Variants in LIMK1 observed in about 807,000 individuals in gnomAD.
The protein encoded by LIMK1 is LIM motif-containing protein kinase.
Under a neutral mutation model 77.6 loss-of-function variants are expected in LIMK1, and 21 were observed. The observed-to-expected ratio is 0.27, with a 90% CI of 0.19 to 0.39. The LOEUF is 0.39. Ranked by LOEUF, LIMK1 falls within the 10% of genes least tolerant of loss-of-function variation. The pLI is 1.00. For missense variants in LIMK1, 696 were observed against 901.6 expected (o/e 0.77, Z 2.92); for synonymous variants, 358 against 370.0 (o/e 0.97, Z 0.37).
intron 12 of LIMK1, chr7:74,115,457 G>A (rs1351667767): frequency 3.7e-5 from 9 of 245,126 alleles, no homozygotes; most frequent in East Asian, 8.5e-5. Flanking sequence ...TCTTCTCTCC[G>A]AAACAAAGCA....
At chr7:74,107,418 A>AGGC (rs1799599389) in intron 8 of LIMK1, among the ~76,000 whole-genome samples, 1 of 152,194 alleles carries the variant, frequency 6.6e-6, no homozygotes, top group Admixed American at 6.6e-5. Context: ...GCTCCTAGCC[A>AGGC]GGCACAGTAG....
chr7:74,096,203 G>T (rs1475763249), intron 2 of LIMK1, among the ~76,000 whole-genome samples: 1 of 151,446 alleles, frequency 6.6e-6, no homozygotes, highest in African/African-American at 2.4e-5. Flanking sequence ...GACCCCAAGT[G>T]ATCTGCCCAC....
chr7:74,101,604 G>T (rs1436043926), intron 5 of LIMK1, among the ~76,000 whole-genome samples: 2 of 152,182 alleles, frequency 1.3e-5, no homozygotes, highest in Admixed American at 1.3e-4. Flanking sequence ...TCCCAGTTCT[G>T]CAAAGAGCCA....
rs1799798183 is a variant in LIMK1, at chr7:74,115,873, C to T, written c.1482C>T (p.Gly494=). The change falls in exon 13 of 16, where the codon GGC becomes GGT. Residue 494 remains glycine, a synonymous_variant. Coordinates refer to ENST00000336180, the MANE Select transcript of LIMK1 (RefSeq NM_002314.4). ...TGGACGAGAAGACTCAGCCTGAGGG[C>T]CTGCGGAGCCTCAAGAAGCCAGACC... ...LMVDEKTQPE[G]LRSLKKPDRK... 3 of 1,614,166 alleles carry T rather than the reference C, an allele frequency of 1.9e-6. No individual in the cohort carries two copies. Among genetic ancestry groups the T allele is most frequent in the Non-Finnish European group, 2.5e-6 (3 of 1,180,004 alleles).
Position 74,108,968 on chromosome 7 carries a change from G to A in LIMK1, c.1216G>A (p.Asp406Asn). The change falls in exon 10 of 16, where the codon GAC becomes AAC. Residue 406 changes from aspartate (D) to asparagine (N), a missense_variant. By Grantham distance (23) the Asp-to-Asn change is conservative. Coordinates refer to ENST00000336180, the MANE Select transcript of LIMK1 (RefSeq NM_002314.4). ...VLKFIGVLYK[D>N]KRLNFITEYI... ...CAAGTTCATCGGGGTGCTCTACAAG[G>A]ACAAGAGGCTCAACTTCATCACTGA... The A allele has an allele frequency of 6.2e-7, 1 of 1,614,102 alleles. No homozygotes were observed. The highest frequency in any genetic ancestry group is 8.5e-7 in the Non-Finnish European group (1 of 1,179,994).
intron 12 of LIMK1, 197 bp from the exon 13 acceptor site, chr7:74,115,605 C>G (rs1799790358): frequency 5.2e-6 from 3 of 573,560 alleles, no homozygotes; most frequent in Non-Finnish European, 9.3e-6. Flanking sequence ...CTGCTATCTT[C>G]AGGTGCTTCC....
At position 74,109,044 on chromosome 7, in the gene LIMK1, C is replaced by A; in HGVS notation, c.1284+8C>A. 1 of 1,608,254 alleles carries A rather than the reference C, an allele frequency of 6.2e-7. No individual in the cohort carries two copies. Among genetic ancestry groups the A allele is most frequent in the Non-Finnish European group, 8.5e-7 (1 of 1,176,454 alleles). ...GGCATCATCAAGAGCATGGTGAGTC[C>A]TGGGCAGAGCCAGCCACCCCCGCTG... On this transcript the variant is annotated splice_region_variant and intron_variant, in intron 10 of 15. Transcript: ENST00000336180.
At position 74,085,977 on chromosome 7, in the gene LIMK1, T is replaced by G; in HGVS notation, c.152+133T>G. The stretch of plus-strand genomic sequence containing the variant: ...CTATTGTGACTTCGTGGCCTTAATT[T>G]ACCATTTATGACATGAGGTGTTTTG... On this transcript the variant is annotated intron_variant, in intron 2 of 15. Coordinates refer to ENST00000336180, the MANE Select transcript of LIMK1 (RefSeq NM_002314.4). 4.7e-6 allele frequency: 3 copies of G among 639,728 alleles called. No individual in the cohort carries two copies. In the South Asian group the frequency reaches 5.4e-5, roughly 12 times the overall value. The allele number at this position is 639,728 out of a possible 1,614,324, so 39.6% of individuals were successfully genotyped here.
chr7:74,098,480 C>G (rs187728857), intron 4 of LIMK1, among the ~76,000 whole-genome samples: 4 of 152,150 alleles, frequency 2.6e-5, no homozygotes, highest in African/African-American at 7.2e-5. Context: ...TAGACAGACC[C>G]GAATGACTCA....
chr7:74,111,674 A>G lies in LIMK1; in HGVS notation c.1311A>G (p.Arg437=). Residue 437 remains arginine, a synonymous_variant, in exon 11 of 16, where the codon AGA becomes AGG. Coordinates refer to ENST00000336180, the MANE Select transcript of LIMK1 (RefSeq NM_002314.4). ...SMDSQYPWSQ[R]VSFAKDIASG... ...ACAGCCAGTACCCATGGAGCCAGAGAGTGAGCTTTGCCAAGGACATCGCAT... is the reference window on the plus strand; with the variant it reads ...ACAGCCAGTACCCATGGAGCCAGAGGGTGAGCTTTGCCAAGGACATCGCAT... 1 of 1,613,500 alleles carries G rather than the reference A, an allele frequency of 6.2e-7. No homozygotes were observed. The highest frequency in any genetic ancestry group is 8.5e-7 in the Non-Finnish European group (1 of 1,179,776).
At chr7:74,085,137 C>A (rs1799110685) in intron 1 of LIMK1, among the ~76,000 whole-genome samples, 1 of 152,192 alleles carries the variant, frequency 6.6e-6, no homozygotes, top group Admixed American at 6.5e-5. Flanking sequence ...CTAAGCATGC[C>A]TGTGGCTGGC....
chr7:74,092,624 T>TC (rs201458483), intron 2 of LIMK1, among the ~76,000 whole-genome samples: 4,111 of 151,990 alleles, frequency 0.027, 71 homozygotes, highest in Middle Eastern at 0.044. Flanking sequence ...CTCTGCGAGG[T>TC]CCCCTCCAGG....
At chr7:74,084,069 GC>G in intron 1 of LIMK1, 24 bp downstream of exon 1, 1 of 1,423,492 alleles carries the variant, frequency 7.0e-7, no homozygotes, top group Non-Finnish European at 9.4e-7. Context: ...GGGGTGTGGG[GC>G]GAGGGCCTGG....
intron 13 of LIMK1, among the ~76,000 whole-genome samples, chr7:74,117,004 C>T (rs1438167422): frequency 3.3e-5 from 5 of 152,082 alleles, no homozygotes; most frequent in Non-Finnish European, 5.9e-5. Context: ...GCCTCAGCCT[C>T]CCGAGTAGCT....
intron 2 of LIMK1, among the ~76,000 whole-genome samples, chr7:74,090,944 C>T (rs1163956682): frequency 6.6e-6 from 1 of 152,030 alleles, no homozygotes; most frequent in Non-Finnish European, 1.5e-5. Context: ...TTTTGAGTCT[C>T]GCTCTGTCGC....
chr7:74,119,706 G>A (rs918888190), intron 13 of LIMK1, among the ~76,000 whole-genome samples: 3 of 151,220 alleles, frequency 2.0e-5, no homozygotes, highest in Admixed American at 6.6e-5. Context: ...TCAGGAGTTC[G>A]AGACCAGCCT....
chr7:74,121,509 C>A lies in LIMK1; in HGVS notation c.*208C>A. 2 of 567,446 alleles carry A rather than the reference C, an allele frequency of 3.5e-6. No individual in the cohort carries two copies. The highest frequency in any genetic ancestry group is 2.9e-5 in the East Asian group (1 of 34,224). The allele number at this position is 567,446 out of a possible 1,614,324, so 35.2% of individuals were successfully genotyped here. ...GAGCCGGCCCAGCTGCACACACACA[C>A]CATGCTCTCGCCCTGCTGTAACCTC... On this transcript the variant is annotated 3_prime_UTR_variant, in exon 16 of 16. Transcript: ENST00000336180.
At chr7:74,115,528 G>C (rs782710486) in intron 12 of LIMK1, 3 of 398,790 alleles carry the variant, frequency 7.5e-6, no homozygotes, top group East Asian at 4.1e-5. Context: ...GGTCCGCCAC[G>C]ACGGTCTGGG....
chr7:74,090,144 G>A (rs187316507), intron 2 of LIMK1, among the ~76,000 whole-genome samples: 17 of 152,256 alleles, frequency 1.1e-4, no homozygotes, highest in African/African-American at 3.9e-4. Context: ...GGAGGCCAAG[G>A]CAGGCAGATC....
Sources: gnomAD v4.1 joint callset for allele counts (sites outside exome capture counted in the v4.1 genomes callset) on GRCh38, gnomAD v4.1.1 for gene constraint, MANE v1.5 for transcripts, NCBI Gene and HGNC (gene_info 2026-07-23, HGNC 2026-07-21) for gene names.